REDIC1: variants seen among roughly 807,000 people sequenced by gnomAD.
REDIC1 encodes regulator of DNA class I crossover intermediates 1, also known as HEI10 Interacting Protein 1.
At chr12:39,765,335 C>G in the REDIC1 span, among the ~76,000 whole-genome samples, 1 of 152,020 alleles carries the variant, frequency 6.6e-6, no homozygotes. Context: ...ATGATTCTAT[C>G]TGATTCCAAA....
chr12:39,787,260 A>C, the REDIC1 span, among the ~76,000 whole-genome samples: 1 of 152,192 alleles, frequency 6.6e-6, no homozygotes, highest in East Asian at 1.9e-4. Context: ...TACTTAACCT[A>C]CCTGAGACAT....
At chr12:39,902,247 G>A in the REDIC1 span, among the ~76,000 whole-genome samples, 2 of 150,048 alleles carry the variant, frequency 1.3e-5, no homozygotes, top group African/African-American at 2.5e-5. Context: ...GCTAAATGAC[G>A]AATTAATGGG....
chr12:39,853,624 G>A, the REDIC1 span, among the ~76,000 whole-genome samples: 2 of 114,402 alleles, frequency 1.7e-5, no homozygotes, highest in Non-Finnish European at 3.6e-5. Flanking sequence ...TTTTTGTTAA[G>A]TAATTTTCCT....
the REDIC1 span, among the ~76,000 whole-genome samples, chr12:39,745,389 C>A: frequency 1.3e-5 from 2 of 151,884 alleles, no homozygotes; most frequent in African/African-American, 2.4e-5. Flanking sequence ...ACCAACTAAG[C>A]TTGGTCTTAA....
the REDIC1 span, among the ~76,000 whole-genome samples, chr12:39,783,642 TTGTC>T: frequency 4.9e-3 from 747 of 152,328 alleles, 6 homozygotes; most frequent in African/African-American, 0.017. Context: ...CATTTTTTCA[TTGTC>T]TGTTGGCTGC....
At chr12:39,850,894 C>T in the REDIC1 span, among the ~76,000 whole-genome samples, 5 of 151,644 alleles carry the variant, frequency 3.3e-5, no homozygotes, top group Non-Finnish European at 7.4e-5. Context: ...TTAGGCCCCA[C>T]AAAGTTAATT....
the REDIC1 span, among the ~76,000 whole-genome samples, chr12:39,894,344 G>A: frequency 1.3e-5 from 2 of 152,162 alleles, no homozygotes; most frequent in African/African-American, 4.8e-5. Context: ...GAACATTTGT[G>A]AATATGATGA....
the REDIC1 span, among the ~76,000 whole-genome samples, chr12:39,774,717 A>G: frequency 6.6e-6 from 1 of 152,070 alleles, no homozygotes; most frequent in African/African-American, 2.4e-5. Context: ...ATTAAATCAT[A>G]GATATGGGTA....
At chr12:39,671,805 T>C in the REDIC1 span, among the ~76,000 whole-genome samples, 2 of 151,800 alleles carry the variant, frequency 1.3e-5, no homozygotes, top group Non-Finnish European at 2.9e-5. Context: ...CCAGCTGTGG[T>C]GGATGGATGG....
chr12:39,695,056 C>A, the REDIC1 span, among the ~76,000 whole-genome samples: 2 of 152,078 alleles, frequency 1.3e-5, no homozygotes, highest in African/African-American at 4.8e-5. Context: ...GATTCATCAC[C>A]TGCTAACTGA....
chr12:39,630,977 A>G, the REDIC1 span, among the ~76,000 whole-genome samples: 4 of 152,302 alleles, frequency 2.6e-5, no homozygotes, highest in South Asian at 6.2e-4. Flanking sequence ...AACTAAATAT[A>G]AACTACCATT....
the REDIC1 span, among the ~76,000 whole-genome samples, chr12:39,884,254 C>A: frequency 6.6e-6 from 1 of 152,106 alleles, no homozygotes; most frequent in Admixed American, 6.6e-5. Context: ...CAGGCATGAG[C>A]CACTGGACCC....
At chr12:39,650,994 A>G in the REDIC1 span, among the ~76,000 whole-genome samples, 3 of 152,192 alleles carry the variant, frequency 2.0e-5, no homozygotes, top group East Asian at 5.8e-4. The surrounding 1 kb of genome is among the most constrained non-coding windows in gnomAD (Gnocchi z 4.3). Context: ...CTAGATGTCT[A>G]TATATACAGT....
chr12:39,836,368 G>A, the REDIC1 span, among the ~76,000 whole-genome samples: 62 of 152,210 alleles, frequency 4.1e-4, no homozygotes, highest in African/African-American at 1.3e-3. Context: ...TAGCTGCAGA[G>A]AAGAAATATT....
At chr12:39,736,036 G>A in the REDIC1 span, among the ~76,000 whole-genome samples, 2 of 152,272 alleles carry the variant, frequency 1.3e-5, no homozygotes, top group Admixed American at 1.3e-4. Flanking sequence ...AAGTAATACT[G>A]GTAGGAAGCA....
At chr12:39,775,506 G>A in the REDIC1 span, among the ~76,000 whole-genome samples, 54 of 152,324 alleles carry the variant, frequency 3.5e-4, 3 homozygotes, top group Admixed American at 2.6e-3. Context: ...GAGGGTCCAC[G>A]TTAGCATTTG....
the REDIC1 span, among the ~76,000 whole-genome samples, chr12:39,880,859 G>T: frequency 6.6e-6 from 1 of 152,192 alleles, no homozygotes; most frequent in Admixed American, 6.5e-5. Flanking sequence ...GAACAATGAA[G>T]TAAGCTCTCT....
chr12:39,694,893 A>C, the REDIC1 span, among the ~76,000 whole-genome samples: 1 of 152,140 alleles, frequency 6.6e-6, no homozygotes, highest in South Asian at 2.1e-4. Context: ...TTTATCTTAC[A>C]TCCTGGATAC....
the REDIC1 span, chr12:39,647,826 C>T: frequency 6.2e-7 from 1 of 1,601,838 alleles, no homozygotes; most frequent in Non-Finnish European, 8.5e-7. Context: ...ATGCTTCACC[C>T]TCAGTTCAGC....
Sources: allele counts gnomAD v4.1 joint callset (sites outside exome capture counted in the v4.1 genomes callset), GRCh38; gene constraint gnomAD v4.1.1; non-coding constraint Gnocchi (gnomAD v3.1); transcripts MANE v1.5; gene names NCBI Gene and HGNC (gene_info 2026-07-23, HGNC 2026-07-21).